The following ADAMTS10 variants were observed in gnomAD, a reference collection of about 807,000 sequenced individuals.
ADAMTS10 encodes the protein ADAM metallopeptidase with thrombospondin type 1 motif 10.
In ADAMTS10, 48 loss-of-function variants were observed where a neutral mutation model predicts 135.9. The observed-to-expected ratio is 0.35, with a 90% CI of 0.28 to 0.45. ADAMTS10 has a LOEUF of 0.45. Ranked by LOEUF, ADAMTS10 falls within the 20% of genes least tolerant of loss-of-function variation. The pLI is 1.00. For synonymous variants in ADAMTS10, 621 were observed against 647.5 expected (o/e 0.96, Z 0.62); for missense variants, 1,131 against 1,565.2 (o/e 0.72, Z 4.68).
rs193236666 is a variant in ADAMTS10, at chr19:8,603,448, A to G, written c.592+280T>C. ...CGCCACCACGCCCAGCTAATTTTGT[A>G]TTTTTAGTAGAGATGGGGTTTCGCC... On this transcript the variant is annotated intron_variant, in intron 5 of 25. Transcript: ENST00000597188. Among the ~76,000 whole-genome samples the G allele has an allele frequency of 9.0e-3, 1,365 of 151,982 alleles. 8 individuals carry two copies. Among genetic ancestry groups the G allele is most frequent in the Non-Finnish European group, 0.014 (963 of 67,954 alleles).
At chr19:8,589,834 G>A (rs2042497667) in intron 16 of ADAMTS10, 55 bp downstream of exon 16, 1 of 1,552,248 alleles carries the variant, frequency 6.4e-7, no homozygotes. Flanking sequence ...CCTGCTGCTG[G>A]ACACTCCCAC....
Position 8,605,202 on chromosome 19 carries a change from G to A in ADAMTS10, c.245C>T (p.Ser82Leu), listed in dbSNP as rs201260892. Residue 82 changes from serine (S) to leucine (L), a missense_variant, in exon 4 of 26, where the codon TCG (serine) becomes TTG (leucine). By Grantham distance (145) the Ser-to-Leu change is moderately radical (BLOSUM62 -2). Coordinates refer to ENST00000597188, the MANE Select transcript of ADAMTS10 (RefSeq NM_030957.4). The surrounding 1 kb of genome is among the most constrained non-coding windows in gnomAD (Gnocchi z 7.7). ...GTTCAGCAGGAAGTGGGTGCTGGGCGAGGCCACTTTGTAGAAGAGGCGGGA... is the reference window on the plus strand; with the variant it reads ...GTTCAGCAGGAAGTGGGTGCTGGGCAAGGCCACTTTGTAGAAGAGGCGGGA... ...AESRLFYKVA[S>L]PSTHFLLNLT... The A allele has an allele frequency of 6.4e-4, 1,030 of 1,614,012 alleles. 6 individuals are homozygous for A. The highest frequency in any genetic ancestry group is 2.0e-4 in the Non-Finnish European group (232 of 1,179,926).
rs2044209593 is a variant in ADAMTS10 at position 8,597,988 on chromosome 19, A to G, written c.811-671T>C. On this transcript the variant is annotated intron_variant, in intron 6 of 25. Transcript: ENST00000597188. ...CCAGCCATGCCCGCCTAATTTTTGT[A>G]TGTTTAGTAGAGACTGGGTTTCACC... Among the ~76,000 whole-genome samples, 11 of 151,444 alleles carry G rather than the reference A, an allele frequency of 7.3e-5. 1 individual carries two copies. In the South Asian group the frequency reaches 2.3e-3, roughly 32 times the overall value.
At chr19:8,599,571 T>C (rs2042640715) in intron 6 of ADAMTS10, among the ~76,000 whole-genome samples, 1 of 151,968 alleles carries the variant, frequency 6.6e-6, no homozygotes, top group Non-Finnish European at 1.5e-5. Flanking sequence ...CCTCAGGTGA[T>C]CCACCCACCT....
rs1555737327 is a variant in ADAMTS10 at position 8,586,669 on chromosome 19, G to A, written c.2292C>T (p.Pro764=). Residue 764 remains proline (P), a synonymous_variant, in exon 20 of 26, where the codon CCC becomes CCT. Transcript: ENST00000597188. ...CAGCTAGAGGCAGACGGTGGGGCTG[G>A]GGGGTCCCAGGCAGCCCCTCCAGCA... ...SLLLEGLPGT[P]QPHRLPLAGT... 4 of 1,613,166 alleles carry A rather than the reference G, an allele frequency of 2.5e-6. No individual in the cohort carries two copies. In the East Asian group the frequency reaches 6.7e-5, roughly 27 times the overall value.
rs903485833 is a variant in ADAMTS10 at position 8,600,752 on chromosome 19, C to T, written c.810+176G>A. On this transcript the variant is annotated intron_variant, in intron 6 of 25. Transcript: ENST00000597188. ...TGACCTTGTGATCTGCCCGCCTTGG[C>T]CTCCCGAAGTGCTGGGATTACAGGT... Among the ~76,000 whole-genome samples the T allele has an allele frequency of 2.6e-5, 4 of 152,092 alleles. No homozygotes were observed. The South Asian group carries it at 8.3e-4, about 32-fold the overall frequency.
intron 5 of ADAMTS10, among the ~76,000 whole-genome samples, chr19:8,603,130 A>G (rs944732842): frequency 1.3e-5 from 2 of 152,164 alleles, no homozygotes; most frequent in African/African-American, 4.8e-5. Context: ...TGATAATCCT[A>G]GAGAAGGAAT....
intron 15 of ADAMTS10, among the ~76,000 whole-genome samples, chr19:8,591,331 T>C (rs1212651996): frequency 8.6e-6 from 1 of 116,572 alleles, no homozygotes; most frequent in Non-Finnish European, 1.8e-5. Flanking sequence ...GAGGAGGGGT[T>C]GGGGACGAGA....
intron 6 of ADAMTS10, among the ~76,000 whole-genome samples, chr19:8,599,968 G>T (rs564342652): frequency 3.3e-5 from 5 of 151,980 alleles, no homozygotes; most frequent in Admixed American, 2.6e-4. Context: ...CTGAGTAGCT[G>T]GGATTACAGG....
Position 8,605,100 on chromosome 19 carries a change from C to T in ADAMTS10, c.347G>A (p.Arg116Lys), listed in dbSNP as rs1555742252. ...YWTREGLAWQ[R>K]AARPHCLYAG... is the part of the protein sequence containing the mutation. ...GTAGAGGCAGTGGGGCCGGGCCGCCCTCTGCCAGGCCAGGCCCTCCCGTGT... is the reference window on the plus strand; with the variant it reads ...GTAGAGGCAGTGGGGCCGGGCCGCCTTCTGCCAGGCCAGGCCCTCCCGTGT... The change falls in exon 4 of 26, where the codon AGG becomes AAG. Residue 116 changes from arginine (R) to lysine (K), a missense_variant. Around this residue, in one of 3 missense-constraint regions of ADAMTS10, gnomAD observed 306 missense variants for 344.4 expected, o/e 0.89. Coordinates refer to ENST00000597188, the MANE Select transcript of ADAMTS10 (RefSeq NM_030957.4). This position sits in a 1 kb window ranked among gnomAD's most constrained non-coding sequence, Gnocchi z 7.7. 6.2e-7 allele frequency: 1 copy of T among 1,612,986 alleles called. No individual in the cohort carries two copies. Among genetic ancestry groups the T allele is most frequent in the Non-Finnish European group, 8.5e-7 (1 of 1,179,752 alleles).
intron 15 of ADAMTS10, among the ~76,000 whole-genome samples, chr19:8,591,586 C>A (rs575062623): frequency 7.2e-5 from 11 of 151,748 alleles, no homozygotes; most frequent in African/African-American, 2.7e-4. Flanking sequence ...GGATTACAGG[C>A]GCCTGCCACC....
chr19:8,597,394 A>C, intron 6 of ADAMTS10, 77 bp from the exon 7 acceptor site: 3 of 1,328,606 alleles, frequency 2.3e-6, no homozygotes, highest in Non-Finnish European at 3.2e-6. Context: ...AACAATGATA[A>C]CAGCTTGCTT....
chr19:8,603,252 C>T (rs2042685309), intron 5 of ADAMTS10, among the ~76,000 whole-genome samples: 1 of 152,134 alleles, frequency 6.6e-6, no homozygotes, highest in African/African-American at 2.4e-5. Flanking sequence ...GAGGATATGT[C>T]TCTGCTGTCC....
At position 8,596,884 on chromosome 19, in the gene ADAMTS10, G is replaced by C; in HGVS notation, c.1040+103C>G. ...CCTCATGGGCAGCCCAAACTTCTCT[G>C]CTCCTCCTGACCCTAGCAGAAGTGA... On this transcript the variant is annotated intron_variant, in intron 8 of 25. Transcript: ENST00000597188. This position sits in a 1 kb window ranked among gnomAD's most constrained non-coding sequence, Gnocchi z 7.2. 1.2e-5 allele frequency: 19 copies of C among 1,569,106 alleles called. No homozygotes were observed. Among genetic ancestry groups the C allele is most frequent in the Non-Finnish European group, 1.6e-5 (19 of 1,156,530 alleles).
At chr19:8,591,233 T>A (rs957037447) in intron 15 of ADAMTS10, among the ~76,000 whole-genome samples, 1 of 149,968 alleles carries the variant, frequency 6.7e-6, no homozygotes, top group African/African-American at 2.5e-5. Flanking sequence ...TGGTAGGGGG[T>A]TGTGAGGGCC....
rs2042404986 is a variant in ADAMTS10, at chr19:8,585,012, G to T, written c.3085C>A (p.Arg1029Ser). 5.2e-6 allele frequency: 8 copies of T among 1,537,964 alleles called. No individual in the cohort carries two copies. The highest frequency in any genetic ancestry group is 1.2e-5 in the South Asian group (1 of 83,802). The change falls in exon 25 of 26, where the codon CGC becomes AGC. Residue 1029 changes from arginine to serine, a missense_variant. Arg to Ser is a moderately radical substitution (Grantham distance 110). This residue lies in a region of ADAMTS10 where 745 missense variants were observed against 1,056.3 expected (regional missense o/e 0.71). Coordinates refer to ENST00000597188, the MANE Select transcript of ADAMTS10 (RefSeq NM_030957.4). ...GCCTGGCCCGTGTGGCTGGTGCAGC[G>T]CACCGAGCGCTGCCGCTGCCCGACG... ...CGVGQRQRSV[R>S]CTSHTGQASH...
In ADAMTS10 at chr19:8,589,567, G is replaced by A; in HGVS notation, c.1919C>T (p.Ser640Leu). 3.1e-6 allele frequency: 5 copies of A among 1,613,404 alleles called. No individual in the cohort carries two copies. Among genetic ancestry groups the A allele is most frequent in the South Asian group, 1.1e-5 (1 of 91,078 alleles). ...TYRGGGVKAC[S>L]LTCLAEGFNF... ...GAAGCCTTCCGCTAGGCACGTGAGC[G>A]AGCAGGCCTTCACGCCCCCTGGGGG... The change falls in exon 17 of 26, where the codon TCG (serine) becomes TTG (leucine). Residue 640 changes from serine (S) to leucine (L), a missense_variant. Ser to Leu is a moderately radical substitution (Grantham distance 145). This residue lies in a region of ADAMTS10 where 745 missense variants were observed against 1,056.3 expected (regional missense o/e 0.71). Transcript: ENST00000597188.
chr19:8,594,878 T>C (rs1555739823), intron 12 of ADAMTS10, among the ~76,000 whole-genome samples: 1 of 152,002 alleles, frequency 6.6e-6, no homozygotes, highest in African/African-American at 2.4e-5. Context: ...ACCAGCTAAG[T>C]TAGGATGTTG....
Position 8,586,235 on chromosome 19 carries a change from C to A in ADAMTS10, c.2547G>T (p.Ala849=). The A allele has an allele frequency of 6.2e-7, 1 of 1,613,084 alleles. No individual in the cohort carries two copies. Among genetic ancestry groups the A allele is most frequent in the Non-Finnish European group, 8.5e-7 (1 of 1,179,860 alleles). ...TGTCCAGCTGGTTGCGGCACTCCACCGCCTGCACCTGGCTACCTGGAGGGG... is the reference window on the plus strand; with the variant it reads ...TGTCCAGCTGGTTGCGGCACTCCACAGCCTGCACCTGGCTACCTGGAGGGG... ...AQCAGGSQVQ[A]VECRNQLDSS... Residue 849 remains alanine (A), a synonymous_variant, in exon 22 of 26, where the codon GCG becomes GCT. Transcript: ENST00000597188.
Sources: gnomAD v4.1 joint callset for allele counts (sites outside exome capture counted in the v4.1 genomes callset) on GRCh38, gnomAD v4.1.1 for gene constraint, gnomAD v4.1.1 regional missense constraint, Gnocchi (gnomAD v3.1) non-coding constraint, MANE v1.5 for transcripts, NCBI Gene and HGNC (gene_info 2026-07-23, HGNC 2026-07-21) for gene names.